Variants in KIF15 observed in about 807,000 individuals in gnomAD.
KIF15 encodes kinesin-like protein KIF15.
A neutral mutation model predicts 190.6 loss-of-function variants in KIF15; 140 were observed. The ratio of observed to expected loss-of-function variants is 0.73; its 90% CI spans 0.64 to 0.84. The LOEUF is 0.84. Ranked by LOEUF, KIF15 falls within the 40% of genes least tolerant of loss-of-function variation. The pLI is 0.00. For missense variants in KIF15, 1,372 were observed against 1,584.4 expected (o/e 0.87, Z 2.28); for synonymous variants, 528 against 551.3 (o/e 0.96, Z 0.59).
At chr3:44,839,068 T>A (rs762851361) in intron 27 of KIF15, among the ~76,000 whole-genome samples, 2 of 152,074 alleles carry the variant, frequency 1.3e-5, no homozygotes, top group Admixed American at 6.6e-5. Flanking sequence ...ATAAATAAAT[T>A]TGTGAGAGAA....
chr3:44,775,489 C>T, intron 3 of KIF15, 52 bp downstream of exon 3: 1 of 1,372,672 alleles, frequency 7.3e-7, no homozygotes, highest in Non-Finnish European at 1.0e-6. Context: ...AGGAGTCTCA[C>T]TCTGTCACCA....
intron 7 of KIF15, among the ~76,000 whole-genome samples, chr3:44,792,430 T>G (rs1706750763): frequency 1.3e-5 from 2 of 151,928 alleles, no homozygotes; most frequent in African/African-American, 4.8e-5. Flanking sequence ...GACATGAACA[T>G]GTCACTACAC....
intron 24 of KIF15, among the ~76,000 whole-genome samples, chr3:44,829,572 TTA>T (rs1385073265): frequency 1.5e-4 from 17 of 112,068 alleles, no homozygotes; most frequent in Non-Finnish European, 2.4e-4. Context: ...TATGTATATA[TTA>T]TATATGTATA....
At chr3:44,802,082 G>A in intron 13 of KIF15, 108 bp downstream of exon 13, 1 of 714,606 alleles carries the variant, frequency 1.4e-6, no homozygotes, top group South Asian at 2.2e-5. Context: ...TGTTTTAAGT[G>A]AATTCTTCTG....
chr3:44,814,811 T>G, intron 19 of KIF15, 100 bp from the exon 20 acceptor site: 1 of 864,652 alleles, frequency 1.2e-6, no homozygotes, highest in South Asian at 2.4e-5. Context: ...CTTAAAATAG[T>G]CTCTTCGACT....
intron 26 of KIF15, among the ~76,000 whole-genome samples, chr3:44,836,758 G>A (rs1007443500): frequency 3.9e-5 from 6 of 152,186 alleles, no homozygotes; most frequent in African/African-American, 9.7e-5. Context: ...TATTGCCAGC[G>A]AAGAAGACTT....
rs902118908 is a variant in KIF15 at position 44,860,965 on chromosome 3, G to A, written c.*59+8171G>A. On this transcript the variant is annotated intron_variant and NMD_transcript_variant, in intron 6 of 6. Coordinates refer to the KIF15 transcript ENST00000422209. The stretch of plus-strand genomic sequence containing the variant: ...ATTTCAACACTTTATTTTCAAGGAC[G>A]TGTACTTTTTAAATGGGAACATTTT... Among the ~76,000 whole-genome samples the A allele has an allele frequency of 3.3e-5, 5 of 152,114 alleles. No homozygotes were observed. The South Asian group carries it at 6.2e-4, about 19-fold the overall frequency.
At chr3:44,798,709 AT>A (rs969773204) in intron 10 of KIF15, among the ~76,000 whole-genome samples, 10 of 152,126 alleles carry the variant, frequency 6.6e-5, no homozygotes, top group African/African-American at 2.2e-4. Context: ...CAGCTGACAA[AT>A]TTTTTCTTAA....
chr3:44,842,315 G>A (rs1488206215), intron 29 of KIF15, among the ~76,000 whole-genome samples: 3 of 152,098 alleles, frequency 2.0e-5, no homozygotes, highest in African/African-American at 7.2e-5. Context: ...GTAGTGGGGT[G>A]TGCACATGGC....
chr3:44,801,474 A>T lies in KIF15; in HGVS notation c.1247A>T (p.Glu416Val). The change falls in exon 12 of 35, where the codon GAG (glutamate) becomes GTG (valine). Residue 416 changes from glutamate (E) to valine (V), a missense_variant. By Grantham distance (121) the Glu-to-Val change is moderately radical. Transcript: ENST00000326047. ...GACAAAAAGAAGACTAACTATATGGAGTATTTCCAGGAAGCAATGTTATTC... is the reference window on the plus strand; with the variant it reads ...GACAAAAAGAAGACTAACTATATGGTGTATTTCCAGGAAGCAATGTTATTC... ...TRDKKKTNYM[E>V]YFQEAMLFFK... 1 of 1,574,292 alleles carries T rather than the reference A, an allele frequency of 6.4e-7. No homozygotes were observed. The highest frequency in any genetic ancestry group is 8.7e-7 in the Non-Finnish European group (1 of 1,144,874).
intron 7 of KIF15, among the ~76,000 whole-genome samples, chr3:44,787,537 C>T (rs998338117): frequency 2.0e-5 from 3 of 152,000 alleles, no homozygotes; most frequent in South Asian, 2.1e-4. Flanking sequence ...CTCCCCCCGG[C>T]GAGAGATAGG....
chr3:44,783,352 G>T (rs1228385683), intron 5 of KIF15, among the ~76,000 whole-genome samples: 2 of 152,052 alleles, frequency 1.3e-5, no homozygotes, highest in South Asian at 2.1e-4. Flanking sequence ...GGTGAGAGAG[G>T]AAAGTGAGAG....
intron 20 of KIF15, among the ~76,000 whole-genome samples, chr3:44,818,860 A>T (rs1295508137): frequency 6.6e-6 from 1 of 152,138 alleles, no homozygotes; most frequent in Admixed American, 6.5e-5. Flanking sequence ...TTGGCTGTGA[A>T]TCCGTCTGGT....
At chr3:44,781,194 T>C (rs1030535902) in intron 5 of KIF15, among the ~76,000 whole-genome samples, 6 of 152,224 alleles carry the variant, frequency 3.9e-5, no homozygotes, top group Admixed American at 3.9e-4. Context: ...TATATGTTTA[T>C]ACACCTGTAT....
chr3:44,776,045 A>C (rs1705872710), intron 3 of KIF15, among the ~76,000 whole-genome samples: 1 of 150,708 alleles, frequency 6.6e-6, no homozygotes, highest in African/African-American at 2.4e-5. Flanking sequence ...GCACCACTGC[A>C]CTCCAGACTG....
chr3:44,792,748 G>C (rs1019397478), intron 7 of KIF15, among the ~76,000 whole-genome samples: 1 of 151,898 alleles, frequency 6.6e-6, no homozygotes, highest in African/African-American at 2.4e-5. Context: ...GGGTTTCACC[G>C]TGTTAGCCAG....
At position 44,813,165 on chromosome 3, in the gene KIF15, C is replaced by T. The variant is rs1252831982; in HGVS notation, c.2368C>T (p.Gln790Ter). The T allele has an allele frequency of 6.3e-6, 10 of 1,592,458 alleles. No homozygotes were observed. The highest frequency in any genetic ancestry group is 7.7e-6 in the Non-Finnish European group (9 of 1,168,486). The stretch of plus-strand genomic sequence containing the variant: ...CCTTGAAAAGCAGCTTCAAGAGACT[C>T]AAACTAAAAATGACTGTAAGTTATT... ...NVLEKQLQETQTKNDFLKSEV... is the reference protein window; with the variant it reads ...NVLEKQLQET Residue 790 changes from glutamine to a stop codon, truncating the protein, a stop_gained, in exon 19 of 35, where the codon CAA becomes TAA. Coordinates refer to ENST00000326047, the MANE Select transcript of KIF15 (RefSeq NM_020242.3). LOFTEE classifies it high-confidence loss of function.
intron 1 of KIF15, among the ~76,000 whole-genome samples, chr3:44,763,639 G>A (rs1432509207): frequency 6.6e-6 from 1 of 151,802 alleles, no homozygotes; most frequent in African/African-American, 2.4e-5. Context: ...GACACCATGA[G>A]TTGCTGACTG....
chr3:44,866,310 G>C (rs1283030108), intron 6 of KIF15, among the ~76,000 whole-genome samples: 3 of 152,072 alleles, frequency 2.0e-5, no homozygotes, highest in African/African-American at 7.2e-5. Context: ...CTGACCTCGT[G>C]ATCTGCCCGC....
Sources: allele counts gnomAD v4.1 joint callset (sites outside exome capture counted in the v4.1 genomes callset), GRCh38; gene constraint gnomAD v4.1.1; transcripts MANE v1.5; gene names NCBI Gene and HGNC (gene_info 2026-07-23, HGNC 2026-07-21).